SNX24: variants seen among roughly 807,000 people sequenced by gnomAD.
SNX24 encodes sorting nexin 24, also known as sorting nexin-24.
SNX24 carries 22 observed loss-of-function variants against 28.7 expected under a neutral mutation model. That is an observed-to-expected ratio of 0.77 (90% CI 0.55 to 1.10). The LOEUF is 1.10. SNX24 is among the 50% of genes least tolerant of loss of function. The probability of loss-of-function intolerance (pLI) is 0.00; values close to 1 mark genes in which losing one functional copy is unlikely to be tolerated. For missense variants in SNX24, 221 were observed against 201.1 expected (o/e 1.10, Z -0.60); for synonymous variants, 69 against 71.5 (o/e 0.96, Z 0.18).
intron 1 of SNX24, among the ~76,000 whole-genome samples, chr5:122,886,446 A>T (rs1756718340): frequency 6.6e-6 from 1 of 152,148 alleles, no homozygotes; most frequent in Admixed American, 6.5e-5. Flanking sequence ...GCCACTCTGG[A>T]AGCGATACAT....
At chr5:123,023,836 A>G (rs534440216) in intron 5 of SNX24, 3 of 1,602,836 alleles carry the variant, frequency 1.9e-6, no homozygotes, top group Non-Finnish European at 2.6e-6. Context: ...ACACACACAC[A>G]CCCCTGCCAA....
intron 3 of SNX24, among the ~76,000 whole-genome samples, chr5:122,951,094 C>T (rs926131348): frequency 6.6e-6 from 1 of 151,664 alleles, no homozygotes; most frequent in Non-Finnish European, 1.5e-5. Context: ...GGTGAAACCC[C>T]ATCTCTACTA....
intron 1 of SNX24, among the ~76,000 whole-genome samples, chr5:122,898,033 G>T (rs1162003471): frequency 6.6e-6 from 1 of 152,150 alleles, no homozygotes; most frequent in African/African-American, 2.4e-5. Context: ...ACAAATTTAG[G>T]TTGTACCAAT....
intron 1 of SNX24, 136 bp from the exon 2 acceptor site, chr5:122,936,598 G>C (rs30043): frequency 0.74 from 361,931 of 488,470 alleles, 136,884 homozygotes; most frequent in East Asian, 0.99. Flanking sequence ...GGGCCAGGGT[G>C]TCCTGAGCCT....
intron 1 of SNX24, among the ~76,000 whole-genome samples, chr5:122,853,450 A>T (rs1359455544): frequency 1.3e-5 from 2 of 152,170 alleles, no homozygotes; most frequent in Non-Finnish European, 2.9e-5. Context: ...CCTTAAGGAC[A>T]AGAAATACCG....
chr5:122,876,548 T>A (rs1756231853), intron 1 of SNX24, among the ~76,000 whole-genome samples: 1 of 152,236 alleles, frequency 6.6e-6, no homozygotes, highest in Non-Finnish European at 1.5e-5. Context: ...TAAAGTAGCA[T>A]AATTAATATA....
At chr5:122,894,064 A>G (rs1349678872) in intron 1 of SNX24, among the ~76,000 whole-genome samples, 1 of 151,898 alleles carries the variant, frequency 6.6e-6, no homozygotes, top group African/African-American at 2.4e-5. Context: ...AACTTGAATT[A>G]TTTGTTCTGT....
At chr5:122,993,101 G>A (rs1032377948) in intron 3 of SNX24, among the ~76,000 whole-genome samples, 16 of 151,680 alleles carry the variant, frequency 1.1e-4, no homozygotes, top group South Asian at 1.0e-3. Flanking sequence ...ACTCTATAAA[G>A]CCCTGTGAAA....
At chr5:122,915,491 G>A (rs1397388343) in intron 1 of SNX24, among the ~76,000 whole-genome samples, 1 of 152,152 alleles carries the variant, frequency 6.6e-6, no homozygotes, top group East Asian at 1.9e-4. Context: ...GCCAGGCCTG[G>A]TGGTGTCACC....
chr5:122,904,372 G>A (rs1020976434), intron 1 of SNX24, among the ~76,000 whole-genome samples: 3 of 151,996 alleles, frequency 2.0e-5, no homozygotes, highest in African/African-American at 4.8e-5. Flanking sequence ...TAGTAGAGAC[G>A]GGGTTTCTCC....
At chr5:122,928,010 C>T (rs1338005672) in intron 1 of SNX24, among the ~76,000 whole-genome samples, 1 of 152,104 alleles carries the variant, frequency 6.6e-6, no homozygotes, top group Non-Finnish European at 1.5e-5. Context: ...TCACTTTCTC[C>T]CTTTTATTTT....
At chr5:122,929,720 A>G (rs529216087) in intron 1 of SNX24, among the ~76,000 whole-genome samples, 40 of 151,992 alleles carry the variant, frequency 2.6e-4, no homozygotes, top group African/African-American at 9.6e-4. Context: ...GGTATTAATC[A>G]TATCTTTTTT....
intron 3 of SNX24, among the ~76,000 whole-genome samples, chr5:122,953,552 A>G (rs1373453373): frequency 1.3e-5 from 2 of 151,818 alleles, no homozygotes; most frequent in Non-Finnish European, 2.9e-5. Context: ...ACGATGGGCA[A>G]GGTTGAGCTT....
intron 1 of SNX24, among the ~76,000 whole-genome samples, chr5:122,899,689 G>A (rs549000797): frequency 7.2e-5 from 11 of 152,210 alleles, no homozygotes; most frequent in African/African-American, 2.2e-4. Flanking sequence ...AATTACAGGC[G>A]CGAGGCACTG....
intron 5 of SNX24, chr5:123,022,920 C>T (rs1361704821): frequency 1.3e-5 from 2 of 152,488 alleles, no homozygotes; most frequent in Non-Finnish European, 1.5e-5. Flanking sequence ...CCTCCCACCT[C>T]AGCCTCCTGA....
intron 1 of SNX24, among the ~76,000 whole-genome samples, chr5:122,907,478 G>A (rs540491174): frequency 1.3e-5 from 2 of 152,242 alleles, no homozygotes; most frequent in African/African-American, 4.8e-5. Flanking sequence ...TAGGAGTCAC[G>A]GGGCTGGTAA....
chr5:123,020,541 T>C (rs1006944826), intron 5 of SNX24, among the ~76,000 whole-genome samples: 16 of 152,230 alleles, frequency 1.1e-4, no homozygotes, highest in South Asian at 4.1e-4. Context: ...TTTTGGGACA[T>C]TGAAGTTGCT....
At chr5:123,017,333 C>T (rs960026173) in intron 5 of SNX24, among the ~76,000 whole-genome samples, 12 of 152,114 alleles carry the variant, frequency 7.9e-5, no homozygotes, top group Admixed American at 3.9e-4. Flanking sequence ...GTGCACCTCC[C>T]CTGGGCCTTT....
chr5:122,865,223 C>G (rs552834466), intron 1 of SNX24, among the ~76,000 whole-genome samples: 2 of 152,350 alleles, frequency 1.3e-5, no homozygotes, highest in South Asian at 4.1e-4. Flanking sequence ...CATGAAAAGC[C>G]TACTCCCTAT....
Sources: gnomAD v4.1 joint callset for allele counts (sites outside exome capture counted in the v4.1 genomes callset) on GRCh38, gnomAD v4.1.1 for gene constraint, MANE v1.5 for transcripts, NCBI Gene and HGNC (gene_info 2026-07-23, HGNC 2026-07-21) for gene names.